Variants in PIWIL2 observed in about 807,000 individuals in gnomAD.
PIWIL2 encodes piwi-like protein 2.
In PIWIL2, 81 loss-of-function variants were observed where a neutral mutation model predicts 116.5. The observed-to-expected ratio is 0.70, with a 90% confidence interval of 0.58 to 0.84. The LOEUF (loss-of-function observed/expected upper bound fraction) is 0.84. Among genes scored for constraint, PIWIL2 ranks in the 40% least tolerant of loss-of-function variants. The pLI is 0.00. For missense variants in PIWIL2, 1,272 were observed against 1,212.3 expected (o/e 1.05, Z -0.73); for synonymous variants, 489 against 429.5 (o/e 1.14, Z -1.71).
At chr8:22,345,235 A>T (rs1482737828) in intron 20 of PIWIL2, among the ~76,000 whole-genome samples, 1 of 152,256 alleles carries the variant, frequency 6.6e-6, no homozygotes. Context: ...TGACCCAAGA[A>T]TTCTAGTCCT....
chr8:22,298,086 G>A (rs563481051), intron 10 of PIWIL2, among the ~76,000 whole-genome samples: 9 of 151,956 alleles, frequency 5.9e-5, no homozygotes, highest in Non-Finnish European at 1.2e-4. Flanking sequence ...GCAAAATCCT[G>A]TCTCTACAAA....
At chr8:22,316,776 C>T (rs1488989121) in intron 19 of PIWIL2, among the ~76,000 whole-genome samples, 2 of 151,676 alleles carry the variant, frequency 1.3e-5, no homozygotes, top group Non-Finnish European at 2.9e-5. Flanking sequence ...GCCATCATGC[C>T]CGGCTATGAA....
chr8:22,284,894 G>T (rs893995514), intron 6 of PIWIL2, among the ~76,000 whole-genome samples: 2 of 152,136 alleles, frequency 1.3e-5, no homozygotes, highest in African/African-American at 2.4e-5. Context: ...TTCTTAGCTG[G>T]AATTGTGAAA....
intron 10 of PIWIL2, among the ~76,000 whole-genome samples, chr8:22,294,359 G>T (rs1300276341): frequency 2.2e-5 from 2 of 89,598 alleles, no homozygotes; most frequent in African/African-American, 6.9e-5. Context: ...AAAAAAAAAA[G>T]GTCCGAGCGT....
intron 1 of PIWIL2, 162 bp downstream of exon 1, chr8:22,275,560 A>T (rs928092833): frequency 6.6e-6 from 1 of 152,224 alleles, no homozygotes; most frequent in Non-Finnish European, 1.5e-5. Context: ...GGGGGCGGGA[A>T]GTCGTTATTC....
intron 20 of PIWIL2, among the ~76,000 whole-genome samples, chr8:22,350,331 C>G (rs1294617834): frequency 2.0e-5 from 3 of 152,184 alleles, no homozygotes; most frequent in African/African-American, 7.2e-5. Flanking sequence ...TATGGTATCT[C>G]ACACCTGTGA....
chr8:22,314,944 T>C, intron 17 of PIWIL2, 85 bp from the exon 18 acceptor site: 3 of 733,802 alleles, frequency 4.1e-6, no homozygotes, highest in Non-Finnish European at 7.3e-6. Context: ...CTTAAACAAA[T>C]GTAATGTTTA....
chr8:22,288,298 CAAAAAA>C (rs5890028), intron 7 of PIWIL2, among the ~76,000 whole-genome samples: 1 of 102,252 alleles, frequency 9.8e-6, no homozygotes, highest in African/African-American at 4.2e-5. Context: ...ACTCTGTCTC[CAAAAAA>C]AAAAAAAAAA....
intron 21 of PIWIL2, among the ~76,000 whole-genome samples, chr8:22,353,726 T>A (rs1458139031): frequency 1.3e-5 from 2 of 149,490 alleles, no homozygotes; most frequent in African/African-American, 4.9e-5. Flanking sequence ...AGATAGCGTA[T>A]GCTTAACTTC....
At chr8:22,328,050 CCT>C (rs1388849951) in intron 20 of PIWIL2, among the ~76,000 whole-genome samples, 8 of 151,968 alleles carry the variant, frequency 5.3e-5, no homozygotes, top group Non-Finnish European at 7.4e-5. Context: ...AAGCTTGTCC[CCT>C]GTTTTTTTTT....
intron 20 of PIWIL2, among the ~76,000 whole-genome samples, chr8:22,328,818 G>GT (rs57027657): frequency 0.034 from 3,672 of 107,132 alleles, 134 homozygotes; most frequent in African/African-American, 0.078. Flanking sequence ...AGCTCTAGTC[G>GT]TTTTTTTTTT....
intron 4 of PIWIL2, among the ~76,000 whole-genome samples, chr8:22,282,140 GGGCAATCTTGGCTCACTGCAACCTC>G (rs1233962320): frequency 7.5e-6 from 1 of 133,292 alleles, no homozygotes; most frequent in Non-Finnish European, 1.6e-5. Flanking sequence ...GAATGCAGTG[GGGCAATCTTGGCTCACTGCAACCTC>G]CACCTCCCAG....
rs1311999548 is a variant in PIWIL2, at chr8:22,316,105, T to G, written c.2209-140T>G. 6.5e-6 allele frequency: 3 copies of G among 462,716 alleles called. No individual in the cohort carries two copies. In the East Asian group the frequency reaches 1.1e-4, roughly 17 times the overall value. 28.7% of individuals were successfully genotyped at this position (462,716 alleles called of 1,614,324 possible). On this transcript the variant is annotated intron_variant, in intron 18 of 22. Transcript: ENST00000356766. ...TTTAAAAAATGTCAAGTTGATTGTC[T>G]TTTTTTTTTCTTTCCCAGAACTTAC... is the stretch of plus-strand genomic sequence containing the variant.
At chr8:22,282,757 A>ATTTTTGTAT (rs1830540226) in intron 4 of PIWIL2, among the ~76,000 whole-genome samples, 2 of 151,854 alleles carry the variant, frequency 1.3e-5, no homozygotes, top group Non-Finnish European at 2.9e-5. Flanking sequence ...TACCTGGCTA[A>ATTTTTGTAT]TTTTTGTATT....
Position 22,311,201 on chromosome 8 carries a change from C to G in PIWIL2, c.1890C>G (p.Gly630=). 1 of 1,614,134 alleles carries G rather than the reference C, an allele frequency of 6.2e-7. No individual in the cohort carries two copies. Among genetic ancestry groups the G allele is most frequent in the Non-Finnish European group, 8.5e-7 (1 of 1,179,990 alleles). The change falls in exon 16 of 23, where the codon GGC becomes GGG. Residue 630 remains glycine, a synonymous_variant. Transcript: ENST00000356766. Reference sequence around the variant, plus strand: ...TCAACATGTTGGAGAAGATAGCCGGCCCCATTGGCATGCGTATGAGCCCAC... The same window carrying G: ...TCAACATGTTGGAGAAGATAGCCGGGCCCATTGGCATGCGTATGAGCCCAC... ...ELVNMLEKIA[G]PIGMRMSPPA...
At chr8:22,321,987 A>T (rs571379310) in intron 20 of PIWIL2, 127 of 984,292 alleles carry the variant, frequency 1.3e-4, no homozygotes, top group Non-Finnish European at 1.5e-4. Context: ...CTGGACTCGC[A>T]TGCAATAATA....
chr8:22,302,244 C>T (rs968151820), intron 10 of PIWIL2, among the ~76,000 whole-genome samples: 38 of 151,890 alleles, frequency 2.5e-4, no homozygotes, highest in African/African-American at 8.5e-4. Context: ...TGCAGTGGCG[C>T]GATCTTGGCT....
intron 10 of PIWIL2, among the ~76,000 whole-genome samples, chr8:22,294,379 C>A (rs1448413500): frequency 6.9e-6 from 1 of 144,276 alleles, no homozygotes; most frequent in African/African-American, 2.6e-5. Flanking sequence ...TGGTGGCTCA[C>A]GCCTGTAATC....
At chr8:22,287,773 C>G in intron 7 of PIWIL2, 128 bp downstream of exon 7, 1 of 678,858 alleles carries the variant, frequency 1.5e-6, no homozygotes, top group Non-Finnish European at 2.7e-6. Flanking sequence ...TCCCAAAGCC[C>G]TGGGACTACA....
Sources: allele counts gnomAD v4.1 joint callset (sites outside exome capture counted in the v4.1 genomes callset), GRCh38; gene constraint gnomAD v4.1.1; transcripts MANE v1.5; gene names NCBI Gene and HGNC (gene_info 2026-07-23, HGNC 2026-07-21).